DNAH7: variants seen among roughly 807,000 people sequenced by gnomAD.
DNAH7 encodes the protein axonemal beta dynein heavy chain 7.
Under a neutral mutation model 444.6 loss-of-function variants are expected in DNAH7, and 397 were observed. The ratio of observed to expected loss-of-function variants is 0.89; its 90% CI spans 0.82 to 0.97. The LOEUF (loss-of-function observed/expected upper bound fraction) is 0.97. Among genes scored for constraint, DNAH7 ranks in the 50% least tolerant of loss-of-function variants. The pLI is 0.00. For synonymous variants in DNAH7, 1,636 were observed against 1,624.4 expected, an observed-to-expected ratio of 1.01 and a Z score of -0.17; for missense variants, 4,902 against 4,800.8, an observed-to-expected ratio of 1.02 and a Z score of -0.62.
At chr2:195,758,275 A>G (rs1165878567) in intron 61 of DNAH7, among the ~76,000 whole-genome samples, 1 of 152,228 alleles carries the variant, frequency 6.6e-6, no homozygotes, top group Non-Finnish European at 1.5e-5. Context: ...ACAACCCCAA[A>G]TTATCAGATA....
At chr2:195,984,577 T>C in intron 15 of DNAH7, 55 bp downstream of exon 15, 2 of 1,475,082 alleles carry the variant, frequency 1.4e-6, no homozygotes, top group South Asian at 1.1e-5. Context: ...CTCCGCATTA[T>C]TGTGTCAATA....
At chr2:196,016,777 C>A (rs1695047368) in intron 9 of DNAH7, among the ~76,000 whole-genome samples, 2 of 152,112 alleles carry the variant, frequency 1.3e-5, no homozygotes, top group Non-Finnish European at 2.9e-5. Context: ...ATGGAGAAGG[C>A]AAAGCTTCCT....
chr2:195,857,219 C>T (rs1229355742), intron 44 of DNAH7, among the ~76,000 whole-genome samples, 158 bp downstream of exon 44: 1 of 152,116 alleles, frequency 6.6e-6, no homozygotes, highest in East Asian at 1.9e-4. Flanking sequence ...TATTAGTTGG[C>T]ATAATCTTGC....
intron 61 of DNAH7, among the ~76,000 whole-genome samples, chr2:195,766,008 G>A (rs1475553227): frequency 6.6e-6 from 1 of 151,874 alleles, no homozygotes; most frequent in Non-Finnish European, 1.5e-5. Flanking sequence ...TGAAGAAAAC[G>A]TGGTACTTAT....
intron 17 of DNAH7, among the ~76,000 whole-genome samples, chr2:195,969,596 C>T (rs1031160279): frequency 2.0e-5 from 3 of 152,088 alleles, no homozygotes; most frequent in East Asian, 1.9e-4. Context: ...AGAACTAAAC[C>T]GTAACCAGGT....
intron 46 of DNAH7, among the ~76,000 whole-genome samples, chr2:195,851,677 G>A (rs1246664132): frequency 6.6e-6 from 1 of 152,092 alleles, no homozygotes; most frequent in Non-Finnish European, 1.5e-5. Flanking sequence ...TTGGGAGGAT[G>A]GTACATCTAG....
At chr2:195,801,775 C>T (rs557116374) in intron 54 of DNAH7, among the ~76,000 whole-genome samples, 58 of 152,272 alleles carry the variant, frequency 3.8e-4, no homozygotes, top group Non-Finnish European at 7.5e-4. Context: ...AAATAATTGA[C>T]ATGTCACAAT....
intron 63 of DNAH7, among the ~76,000 whole-genome samples, chr2:195,750,453 T>A (rs1020345130): frequency 6.6e-6 from 1 of 152,178 alleles, no homozygotes; most frequent in Non-Finnish European, 1.5e-5. Context: ...CTGCGTATTA[T>A]AATAATACAA....
chr2:195,853,819 G>A (rs1699538681), intron 45 of DNAH7, among the ~76,000 whole-genome samples: 1 of 152,028 alleles, frequency 6.6e-6, no homozygotes, highest in South Asian at 2.1e-4. Flanking sequence ...AATTAATAAA[G>A]GACATTCTTC....
At chr2:196,026,186 A>C (rs1695675605) in intron 7 of DNAH7, among the ~76,000 whole-genome samples, 1 of 152,194 alleles carries the variant, frequency 6.6e-6, no homozygotes, top group Non-Finnish European at 1.5e-5. Context: ...ATGACATGCA[A>C]ATGAATTAGT....
chr2:195,920,967 C>T (rs1396189819), intron 24 of DNAH7, among the ~76,000 whole-genome samples: 2 of 152,208 alleles, frequency 1.3e-5, no homozygotes, highest in East Asian at 3.9e-4. Flanking sequence ...TGAAAAAATG[C>T]TCAGTGTCAC....
At chr2:195,922,827 C>G (rs547573798) in intron 23 of DNAH7, among the ~76,000 whole-genome samples, 44 of 152,184 alleles carry the variant, frequency 2.9e-4, no homozygotes, top group African/African-American at 1.0e-3. Flanking sequence ...CTGGTAAAAA[C>G]CATGTTTCTG....
In DNAH7 at chr2:196,027,982, G is replaced by A. The variant is rs1382684618; in HGVS notation, c.464C>T (p.Ser155Phe). Reference sequence around the variant, plus strand: ...TACCAAGATGTCTTTCTCTATAGCAGAAGCGGTCGGTTTTGGAATTGTGCT... The same window carrying A: ...TACCAAGATGTCTTTCTCTATAGCAAAAGCGGTCGGTTTTGGAATTGTGCT... ...DGSTIPKPTA[S>F]AIEKDILRYY... Residue 155 changes from serine to phenylalanine, a missense_variant, in exon 6 of 65, where the codon TCT becomes TTT. By Grantham distance (155) the Ser-to-Phe change is radical. Coordinates refer to ENST00000312428, the MANE Select transcript of DNAH7 (RefSeq NM_018897.3). 1 of 1,612,436 alleles carries A rather than the reference G, an allele frequency of 6.2e-7. No individual in the cohort carries two copies. Among genetic ancestry groups the A allele is most frequent in the East Asian group, 2.2e-5 (1 of 44,768 alleles).
intron 48 of DNAH7, among the ~76,000 whole-genome samples, chr2:195,829,136 T>G (rs1574508792): frequency 6.6e-6 from 1 of 152,278 alleles, no homozygotes; most frequent in East Asian, 1.9e-4. Flanking sequence ...GTTGTTTTGT[T>G]TTGCTTTGCT....
At chr2:196,032,133 C>T (rs527296135) in intron 5 of DNAH7, among the ~76,000 whole-genome samples, 1 of 152,168 alleles carries the variant, frequency 6.6e-6, no homozygotes, top group Admixed American at 6.5e-5. Context: ...CATGTGGTGG[C>T]GAGAGAGAAA....
Position 195,936,649 on chromosome 2 carries a change from CAA to C in DNAH7, c.3220_3221del (p.Leu1074ValfsTer3). The part of the protein sequence containing the change: ...KRLFFPRFFF[L>X]SNDELLEILS... ...GTATCTCAAGAAGTTCATCATTGGACAAAAAAAAGAATCTGGGGAAAAAGAGG... is the reference window on the plus strand; with the variant it reads ...GTATCTCAAGAAGTTCATCATTGGACAAAAAAGAATCTGGGGAAAAAGAGG... On this transcript the variant is annotated frameshift_variant, in exon 20 of 65. Coordinates refer to ENST00000312428, the MANE Select transcript of DNAH7 (RefSeq NM_018897.3). LOFTEE classifies it high-confidence loss of function. 6.2e-7 allele frequency: 1 copy of C among 1,603,452 alleles called. No individual in the cohort carries two copies. Among genetic ancestry groups the C allele is most frequent in the Non-Finnish European group, 8.5e-7 (1 of 1,176,508 alleles).
intron 64 of DNAH7, among the ~76,000 whole-genome samples, chr2:195,739,956 C>G (rs1376274185): frequency 6.6e-6 from 1 of 151,982 alleles, no homozygotes; most frequent in African/African-American, 2.4e-5. Context: ...TTAAAATGAC[C>G]CCCATGTGTA....
rs781012319 is a variant in DNAH7, at chr2:196,028,046, G to T, written c.400C>A (p.Gln134Lys). 1.9e-6 allele frequency: 3 copies of T among 1,605,104 alleles called. No homozygotes were observed. The highest frequency in any genetic ancestry group is 2.6e-6 in the Non-Finnish European group (3 of 1,175,456). The change falls in exon 6 of 65, where the codon CAA becomes AAA. Residue 134 changes from glutamine to lysine, a missense_variant and splice_region_variant. Coordinates refer to ENST00000312428, the MANE Select transcript of DNAH7 (RefSeq NM_018897.3). ...GCTGAGTCTAAGTCAGCATCTTGTT[G>T]CCTAAGAAAATGATAAACATACTAT... ...FRSTLVNVIM[Q>K]QDADLDSAVP...
At chr2:195,940,821 G>C (rs1429174861) in intron 19 of DNAH7, among the ~76,000 whole-genome samples, 4 of 152,162 alleles carry the variant, frequency 2.6e-5, no homozygotes, top group Non-Finnish European at 5.9e-5. Context: ...ACCACAATGA[G>C]ATACCATCTC....
Sources: allele counts gnomAD v4.1 joint callset (sites outside exome capture counted in the v4.1 genomes callset), GRCh38; gene constraint gnomAD v4.1.1; transcripts MANE v1.5; gene names NCBI Gene and HGNC (gene_info 2026-07-23, HGNC 2026-07-21).